IFT56: variants seen among roughly 807,000 people sequenced by gnomAD.
IFT56 encodes the protein intraflagellar transport 56, also known as intraflagellar transport protein 56.
the IFT56 span, chr7:139,138,012 A>G: frequency 9.7e-5 from 86 of 882,366 alleles, no homozygotes; most frequent in East Asian, 1.1e-3. Context: ...TTATAATAAT[A>G]CATATTCATG....
the IFT56 span, chr7:139,139,901 T>C: frequency 6.2e-7 from 1 of 1,609,828 alleles, no homozygotes; most frequent in Non-Finnish European, 8.5e-7. Context: ...AATACGAAAA[T>C]GCTACAAAAG....
chr7:139,168,580 AAC>A, the IFT56 span: 31 of 586,096 alleles, frequency 5.3e-5, 1 homozygote, highest in Middle Eastern at 5.3e-4. Flanking sequence ...AAAAAAAAAA[AAC>A]AAAAAAAAAA....
chr7:139,178,889 C>T, the IFT56 span, among the ~76,000 whole-genome samples: 4 of 151,350 alleles, frequency 2.6e-5, no homozygotes, highest in African/African-American at 9.7e-5. Context: ...ATAGCAAGAC[C>T]CTGTCTCTTA....
chr7:139,144,636 C>T, the IFT56 span, among the ~76,000 whole-genome samples: 5 of 152,044 alleles, frequency 3.3e-5, no homozygotes, highest in Admixed American at 2.6e-4. Flanking sequence ...TTGTTTGTAT[C>T]GCATGTAAAC....
At chr7:139,185,520 G>C in the IFT56 span, among the ~76,000 whole-genome samples, 1 of 151,942 alleles carries the variant, frequency 6.6e-6, no homozygotes, top group Non-Finnish European at 1.5e-5. Context: ...TTGAATCATA[G>C]GTACAAGACA....
chr7:139,163,010 G>A, the IFT56 span, among the ~76,000 whole-genome samples: 282 of 150,282 alleles, frequency 1.9e-3, 7 homozygotes, highest in Admixed American at 4.1e-3. Flanking sequence ...ATTAAATGAG[G>A]TAATATGTGT....
At chr7:139,140,096 GA>G in the IFT56 span, 96,394 of 714,352 alleles carry the variant, frequency 0.13, 15,024 homozygotes, top group African/African-American at 0.56. Flanking sequence ...TTTCTCTTGA[GA>G]AAAAAAAAAT....
chr7:139,162,792 C>G, the IFT56 span, among the ~76,000 whole-genome samples: 10 of 151,606 alleles, frequency 6.6e-5, no homozygotes, highest in Non-Finnish European at 1.3e-4. Context: ...AACTCCACCT[C>G]TACTAAAAAT....
chr7:139,148,517 C>T, the IFT56 span: 1 of 729,356 alleles, frequency 1.4e-6, no homozygotes, highest in Non-Finnish European at 2.2e-6. Context: ...CTATAAGAAC[C>T]TAATTATATG....
the IFT56 span, chr7:139,147,334 T>G: frequency 6.6e-7 from 1 of 1,520,396 alleles, no homozygotes; most frequent in African/African-American, 1.4e-5. Context: ...TTCATTTTGT[T>G]AGTTTCTTCT....
the IFT56 span, among the ~76,000 whole-genome samples, chr7:139,141,193 G>A: frequency 0.016 from 2,444 of 151,702 alleles, 64 homozygotes; most frequent in African/African-American, 0.055. Flanking sequence ...CGCGGGAGGC[G>A]GAGCTTGCAG....
At chr7:139,154,529 AG>A in the IFT56 span, among the ~76,000 whole-genome samples, 1 of 152,256 alleles carries the variant, frequency 6.6e-6, no homozygotes, top group South Asian at 2.1e-4. Context: ...ATGAGGTAAA[AG>A]TCCAACTTTA....
the IFT56 span, chr7:139,168,647 A>G: frequency 2.3e-6 from 1 of 433,210 alleles, no homozygotes; most frequent in African/African-American, 1.9e-5. Flanking sequence ...TTAAATAGCA[A>G]CTTATTTAAT....
the IFT56 span, among the ~76,000 whole-genome samples, chr7:139,156,246 C>T: frequency 1.3e-5 from 2 of 151,854 alleles, no homozygotes; most frequent in Non-Finnish European, 2.9e-5. Context: ...TTTTCTTGGT[C>T]AGTCTAGCTA....
At chr7:139,171,882 T>C in the IFT56 span, among the ~76,000 whole-genome samples, 1 of 152,330 alleles carries the variant, frequency 6.6e-6, no homozygotes, top group Admixed American at 6.5e-5. Flanking sequence ...AAGGTAGCCA[T>C]AACATTACAC....
the IFT56 span, chr7:139,178,735 T>C: frequency 1.3e-6 from 1 of 748,670 alleles, no homozygotes; most frequent in South Asian, 1.8e-5. Context: ...ATAAGTACAC[T>C]GTGGAGAAGG....
the IFT56 span, among the ~76,000 whole-genome samples, chr7:139,160,008 T>C: frequency 6.6e-6 from 1 of 152,184 alleles, no homozygotes; most frequent in Non-Finnish European, 1.5e-5. Context: ...TTGAGATCAT[T>C]TATAGAGTAT....
the IFT56 span, chr7:139,166,913 A>G: frequency 6.6e-7 from 1 of 1,524,948 alleles, no homozygotes. Context: ...AGAATGTTTT[A>G]TATTTTTACT....
chr7:139,189,422 T>C, the IFT56 span: 44 of 1,608,398 alleles, frequency 2.7e-5, no homozygotes, highest in Non-Finnish European at 3.7e-5. Flanking sequence ...GAAAACAGAG[T>C]GTCCATCTAA....
Sources: gnomAD v4.1 joint callset for allele counts (sites outside exome capture counted in the v4.1 genomes callset) on GRCh38, gnomAD v4.1.1 for gene constraint, MANE v1.5 for transcripts, NCBI Gene and HGNC (gene_info 2026-07-23, HGNC 2026-07-21) for gene names.